The following RNF130 variants were observed in gnomAD, a reference collection of about 807,000 sequenced individuals.
RNF130 encodes the protein E3 ubiquitin-protein ligase RNF130.
RNF130 carries 21 observed loss-of-function variants against 44.6 expected under a neutral mutation model. The observed-to-expected ratio is 0.47, with a 90% CI of 0.33 to 0.68. RNF130 has a LOEUF of 0.68. RNF130 is among the 30% of genes least tolerant of loss of function. The probability of loss-of-function intolerance (pLI) is 0.02; values close to 1 mark genes in which losing one functional copy is unlikely to be tolerated. For missense variants in RNF130, 479 were observed against 560.6 expected (o/e 0.85, Z 1.47); for synonymous variants, 214 against 210.4 (o/e 1.02, Z -0.15).
At chr5:179,930,111 G>A (rs1474463206) in intron 7 of RNF130, among the ~76,000 whole-genome samples, 1 of 152,080 alleles carries the variant, frequency 6.6e-6, no homozygotes, top group Non-Finnish European at 1.5e-5. Context: ...AGGCTAGAGT[G>A]CAATGGCGTG....
chr5:179,948,163 T>C (rs1324155159), intron 7 of RNF130, among the ~76,000 whole-genome samples: 1 of 152,244 alleles, frequency 6.6e-6, no homozygotes. Flanking sequence ...ATCAGTTTTC[T>C]TCACTTGTAA....
chr5:179,944,011 A>G (rs997266434), intron 7 of RNF130, among the ~76,000 whole-genome samples: 14 of 150,414 alleles, frequency 9.3e-5, no homozygotes, highest in African/African-American at 3.4e-4. Flanking sequence ...TTGCTCTGTC[A>G]CCCAGGCTGG....
intron 5 of RNF130, among the ~76,000 whole-genome samples, chr5:179,974,854 C>T (rs973536549): frequency 5.3e-5 from 8 of 152,366 alleles, no homozygotes; most frequent in Non-Finnish European, 8.8e-5. Context: ...CGGGGAGGAG[C>T]GGCATGGACC....
At chr5:179,985,246 C>T (rs1762928467) in intron 3 of RNF130, among the ~76,000 whole-genome samples, 1 of 140,732 alleles carries the variant, frequency 7.1e-6, no homozygotes, top group Admixed American at 7.5e-5. Flanking sequence ...TCATGTACTA[C>T]GTCTGGACAC....
intron 7 of RNF130, among the ~76,000 whole-genome samples, chr5:179,944,625 A>G (rs1386516634): frequency 6.6e-6 from 1 of 150,560 alleles, no homozygotes; most frequent in Admixed American, 6.6e-5. Flanking sequence ...TTTTTTTTTG[A>G]ATTTTGTAGA....
At chr5:179,954,442 C>T (rs761927508), downstream of RNF130, among the ~76,000 whole-genome samples, 3 of 152,160 alleles carry the variant, frequency 2.0e-5, no homozygotes, top group African/African-American at 4.8e-5. Context: ...GAACCGTGAA[C>T]ACATGCTAAG....
chr5:180,013,372 G>C (rs1365807215), intron 2 of RNF130, 61 bp from the exon 3 acceptor site: 4 of 1,400,336 alleles, frequency 2.9e-6, no homozygotes, highest in Admixed American at 2.1e-5. Context: ...AACATCAAAT[G>C]TATCAACACG....
intron 1 of RNF130, among the ~76,000 whole-genome samples, chr5:180,061,068 C>A (rs1276647073): frequency 5.3e-3 from 283 of 53,534 alleles, no homozygotes; most frequent in Middle Eastern, 0.017. Flanking sequence ...GACTCCGTCT[C>A]AAAAAAAAAA....
chr5:179,962,930 G>C (rs1762367346), intron 8 of RNF130, among the ~76,000 whole-genome samples: 1 of 152,198 alleles, frequency 6.6e-6, no homozygotes, highest in South Asian at 2.1e-4. Flanking sequence ...TTTGCCCATG[G>C]AGATAGCGCT....
chr5:180,010,653 C>G (rs138546829), intron 3 of RNF130, among the ~76,000 whole-genome samples: 1 of 152,126 alleles, frequency 6.6e-6, no homozygotes, highest in Non-Finnish European at 1.5e-5. Context: ...AGCCACCGTG[C>G]CTGGCCCATG....
At chr5:180,057,725 C>A (rs780019819) in intron 1 of RNF130, among the ~76,000 whole-genome samples, 18 of 152,176 alleles carry the variant, frequency 1.2e-4, no homozygotes, top group Non-Finnish European at 2.2e-4. Context: ...CCTCTCCATC[C>A]GGCTCTTAAT....
chr5:180,004,193 T>C (rs77864449), intron 3 of RNF130, among the ~76,000 whole-genome samples: 2,567 of 152,330 alleles, frequency 0.017, 79 homozygotes, highest in African/African-American at 0.059. Context: ...ATGATTCTTT[T>C]GTATACTAAA....
At position 180,071,704 on chromosome 5, in the gene RNF130, G is replaced by A; in HGVS notation, c.-2C>T. The A allele has an allele frequency of 7.5e-7, 1 of 1,326,376 alleles. No individual in the cohort carries two copies. The highest frequency in any genetic ancestry group is 9.6e-7 in the Non-Finnish European group (1 of 1,036,404). The allele number at this position is 1,326,376 out of a possible 1,614,324, so 82.2% of individuals were successfully genotyped here. The stretch of plus-strand genomic sequence containing the variant: ...GCCCGCCCGCCCCGCGCAGCTCATC[G>A]TCCCTCCGGCAGCCGCCGCTGCTCG... On this transcript the variant is annotated 5_prime_UTR_variant, in exon 1 of 9. It adds an upstream start codon to the 5' untranslated region. Coordinates refer to ENST00000521389, the MANE Select transcript of RNF130 (RefSeq NM_018434.6).
chr5:180,062,115 CACG>C (rs750150525), intron 1 of RNF130, among the ~76,000 whole-genome samples: 15 of 149,788 alleles, frequency 1.0e-4, no homozygotes, highest in Non-Finnish European at 1.8e-4. Flanking sequence ...AGTGCAGTGG[CACG>C]ACCTTGGCTC....
Position 179,977,359 on chromosome 5 carries a change from T to G in RNF130, c.848+844A>C, listed in dbSNP as rs1411073618. The stretch of plus-strand genomic sequence containing the variant: ...CAGAGCCAGGTGAGCTCGATGGAAG[T>G]CTCACTGAAGGGCTTGGAGATGTAG... On this transcript the variant is annotated intron_variant, in intron 5 of 8. Coordinates refer to ENST00000521389, the MANE Select transcript of RNF130 (RefSeq NM_018434.6). This position sits in a 1 kb window ranked among gnomAD's most constrained non-coding sequence, Gnocchi z 4.1. The G allele has an allele frequency of 1.3e-5, 2 of 152,140 alleles. No individual in the cohort carries two copies. Among genetic ancestry groups the G allele is most frequent in the African/African-American group, 2.4e-5 (1 of 41,418 alleles). The allele number at this position is 152,140 out of a possible 1,614,324, so 9.4% of individuals were successfully genotyped here. A position where few individuals can be genotyped will look rare whatever the true frequency, so the allele number is the denominator to read the frequency against.
At chr5:180,015,001 C>A (rs1763684974) in intron 2 of RNF130, among the ~76,000 whole-genome samples, 1 of 152,102 alleles carries the variant, frequency 6.6e-6, no homozygotes, top group Non-Finnish European at 1.5e-5. Context: ...AAGAGAAATA[C>A]AACAGTAAAA....
At chr5:179,946,955 G>C (rs1762051479) in intron 7 of RNF130, among the ~76,000 whole-genome samples, 2 of 152,112 alleles carry the variant, frequency 1.3e-5, no homozygotes, top group African/African-American at 4.8e-5. Flanking sequence ...ATTTCTACCT[G>C]TTTTTTCAAC....
At chr5:180,028,783 T>G (rs1044590997) in intron 2 of RNF130, among the ~76,000 whole-genome samples, 1 of 152,190 alleles carries the variant, frequency 6.6e-6, no homozygotes, top group South Asian at 2.1e-4. Context: ...GATTAACTAT[T>G]TTTTTGTACT....
In RNF130 at chr5:180,071,505, G is replaced by A. The variant is rs1765263863; in HGVS notation, c.198C>T (p.Pro66=). ...GCACCTGGCCGCGGACCTCGGCCTTGGGGGAGTCAAGCCCGTAGCGCCCGC... is the reference window on the plus strand; with the variant it reads ...GCACCTGGCCGCGGACCTCGGCCTTAGGGGAGTCAAGCCCGTAGCGCCCGC... The part of the protein sequence containing the change: ...IDRGRYGLDS[P]KAEVRGQVLA... The change falls in exon 1 of 9, where the codon CCC becomes CCT. Residue 66 remains proline, a synonymous_variant. Transcript: ENST00000521389. The A allele has an allele frequency of 7.6e-7, 1 of 1,319,896 alleles. No homozygotes were observed. Among genetic ancestry groups the A allele is most frequent in the East Asian group, 3.0e-5 (1 of 33,604 alleles). The allele number at this position is 1,319,896 out of a possible 1,614,324, so 81.8% of individuals were successfully genotyped here.
Sources: allele counts gnomAD v4.1 joint callset (sites outside exome capture counted in the v4.1 genomes callset), GRCh38; gene constraint gnomAD v4.1.1; non-coding constraint Gnocchi (gnomAD v3.1); transcripts MANE v1.5; gene names NCBI Gene and HGNC (gene_info 2026-07-23, HGNC 2026-07-21).